Variants in EIF5B observed in about 807,000 individuals in gnomAD.
The protein encoded by EIF5B is eukaryotic translation initiation factor 5B, also known as eIF-5B.
EIF5B carries 47 observed loss-of-function variants against 147.5 expected under a neutral mutation model. That is an observed-to-expected ratio of 0.32 (90% CI 0.25 to 0.41). EIF5B has a LOEUF of 0.41. EIF5B is among the 10% of genes least tolerant of loss of function. EIF5B has a pLI of 1.00. For missense variants in EIF5B, 1,064 were observed against 1,413.2 expected (o/e 0.75, Z 3.96); for synonymous variants, 455 against 456.2 (o/e 1.00, Z 0.03).
chr2:99,371,709 A>T lies in EIF5B; in HGVS notation c.1531A>T (p.Ser511Cys). 6.2e-7 allele frequency: 1 copy of T among 1,613,126 alleles called. No individual in the cohort carries two copies. Among genetic ancestry groups the T allele is most frequent in the Non-Finnish European group, 8.5e-7 (1 of 1,179,480 alleles). The change falls in exon 9 of 24, where the codon AGT becomes TGT. Residue 511 changes from serine (S) to cysteine (C), a missense_variant. Coordinates refer to ENST00000289371, the MANE Select transcript of EIF5B (RefSeq NM_015904.4). ...AGLDDWEAMA[S>C]DEETEKVEGN... ...ATTGGATGATTGGGAAGCTATGGCCAGTGATGAGGAGACAGAAAAAGGTGA... is the reference window on the plus strand; with the variant it reads ...ATTGGATGATTGGGAAGCTATGGCCTGTGATGAGGAGACAGAAAAAGGTGA...
chr2:99,349,940 C>T (rs978855186), intron 1 of EIF5B, among the ~76,000 whole-genome samples: 1 of 152,214 alleles, frequency 6.6e-6, no homozygotes, highest in African/African-American at 2.4e-5. Context: ...TCCTCATTCC[C>T]TCTCCTTCCT....
At position 99,401,124 on chromosome 2, in the gene EIF5B, G is replaced by C. The variant is rs1420419155; in HGVS notation, c.*1710G>C. 1 of 552,310 alleles carries C rather than the reference G, an allele frequency of 1.8e-6. No individual in the cohort carries two copies. Among genetic ancestry groups the C allele is most frequent in the Non-Finnish European group, 3.1e-6 (1 of 320,610 alleles). The allele number at this position is 552,310 out of a possible 1,614,324, so 34.2% of individuals were successfully genotyped here. A position where few individuals can be genotyped will look rare whatever the true frequency, so the allele number is the denominator to read the frequency against. ...TTGAAAAGAAATGTACAAAACACTTGCTTTAAAAGAAATTTAAAATTATAA... is the reference window on the plus strand; with the variant it reads ...TTGAAAAGAAATGTACAAAACACTTCCTTTAAAAGAAATTTAAAATTATAA... On this transcript the variant is annotated 3_prime_UTR_variant, in exon 24 of 24. Transcript: ENST00000289371.
chr2:99,382,743 A>T (rs749953685), intron 13 of EIF5B, 37 bp from the exon 14 acceptor site: 73 of 1,554,694 alleles, frequency 4.7e-5, no homozygotes, highest in Non-Finnish European at 5.9e-5. Flanking sequence ...TAATTTCAAG[A>T]TTTTCTACTT....
chr2:99,352,337 A>G (rs1022012459), intron 1 of EIF5B, among the ~76,000 whole-genome samples: 4 of 152,158 alleles, frequency 2.6e-5, no homozygotes, highest in African/African-American at 9.6e-5. Context: ...CTGGGATTAC[A>G]GGCATGCGCC....
In EIF5B at chr2:99,376,600, A is replaced by C. The variant is rs758581708; in HGVS notation, c.1806A>C (p.Glu602Asp). 6.2e-7 allele frequency: 1 copy of C among 1,611,986 alleles called. No individual in the cohort carries two copies. The highest frequency in any genetic ancestry group is 8.5e-7 in the Non-Finnish European group (1 of 1,179,454). ...EYDSDDDRTK[E>D]ERAYDKAKRR... is the part of the protein sequence containing the mutation. The stretch of plus-strand genomic sequence containing the variant: ...ACTCTGATGATGATCGGACTAAAGA[A>C]GAAAGGGCTTATGACAAAGCAAAAC... Residue 602 changes from glutamate to aspartate, a missense_variant, in exon 10 of 24, where the codon GAA becomes GAC. Physicochemically the swap from Glu to Asp is conservative, Grantham distance 45 (BLOSUM62 2). This residue lies in a region of EIF5B where 195 missense variants were observed against 186.3 expected (regional missense o/e 1.05). Transcript: ENST00000289371.
At chr2:99,365,846 C>T (rs889307082) in intron 6 of EIF5B, among the ~76,000 whole-genome samples, 1 of 152,118 alleles carries the variant, frequency 6.6e-6, no homozygotes, top group Non-Finnish European at 1.5e-5. Context: ...AAGGTTCCCC[C>T]CCACCCACAG....
intron 8 of EIF5B, chr2:99,371,081 A>G (rs750203287): frequency 6.6e-6 from 1 of 152,198 alleles, no homozygotes; most frequent in Non-Finnish European, 1.5e-5. Flanking sequence ...TAAATTAATT[A>G]AATTAATGAA....
rs2104269886 is a variant in EIF5B at position 99,399,865 on chromosome 2, T to C, written c.*451T>C. 1 of 155,684 alleles carries C rather than the reference T, an allele frequency of 6.4e-6. No homozygotes were observed. The highest frequency in any genetic ancestry group is 2.0e-4 in the South Asian group (1 of 5,054). 9.6% of individuals were successfully genotyped at this position (155,684 alleles called of 1,614,324 possible). On this transcript the variant is annotated 3_prime_UTR_variant, in exon 24 of 24. Transcript: ENST00000289371. ...ATGCATATTCTTCCCACAGTGATTT[T>C]TCCAGCATTCTTCTGCCATATGCCT... is the stretch of plus-strand genomic sequence containing the variant.
chr2:99,369,407 A>T lies in EIF5B; in HGVS notation c.1403A>T (p.Glu468Val), dbSNP rs780962619. 1 of 1,610,904 alleles carries T rather than the reference A, an allele frequency of 6.2e-7. No homozygotes were observed. The highest frequency in any genetic ancestry group is 8.5e-7 in the Non-Finnish European group (1 of 1,178,272). Residue 468 changes from glutamate (E) to valine (V), a missense_variant, in exon 8 of 24, where the codon GAA (glutamate) becomes GTA (valine). Glu to Val is a moderately radical substitution (Grantham distance 121). This residue lies in a region of EIF5B where 195 missense variants were observed against 186.3 expected (regional missense o/e 1.05). Coordinates refer to ENST00000289371, the MANE Select transcript of EIF5B (RefSeq NM_015904.4). Reference sequence around the variant, plus strand: ...CCTTTTTCAGTGTCTGAATCAATGGAATTATGTGCTGCTGTAGAAGTTATG... The same window carrying T: ...CCTTTTTCAGTGTCTGAATCAATGGTATTATGTGCTGCTGTAGAAGTTATG... ...LESKEVSESM[E>V]LCAAVEVMEQ...
At chr2:99,347,539 A>G (rs1022204692) in intron 1 of EIF5B, among the ~76,000 whole-genome samples, 32 of 150,450 alleles carry the variant, frequency 2.1e-4, no homozygotes, top group African/African-American at 7.3e-4. Context: ...GAGATTTTGC[A>G]TTTTCAATAA....
chr2:99,364,673 G>A (rs1674290693), intron 6 of EIF5B, among the ~76,000 whole-genome samples: 1 of 152,160 alleles, frequency 6.6e-6, no homozygotes, highest in African/African-American at 2.4e-5. Flanking sequence ...AACAAGAATA[G>A]TGATAATAAT....
chr2:99,392,306 C>T (rs1413545972), intron 17 of EIF5B, among the ~76,000 whole-genome samples: 1 of 152,064 alleles, frequency 6.6e-6, no homozygotes, highest in South Asian at 2.1e-4. Flanking sequence ...AACTCCTGAC[C>T]TCAGCCTCCC....
intron 1 of EIF5B, among the ~76,000 whole-genome samples, chr2:99,349,484 T>G (rs931059689): frequency 2.0e-5 from 3 of 152,210 alleles, no homozygotes. Context: ...TGAACAATTT[T>G]TTGTAATATG....
At chr2:99,337,686 C>A in intron 1 of EIF5B, 97 bp downstream of exon 1, 1 of 1,427,050 alleles carries the variant, frequency 7.0e-7, no homozygotes, top group Non-Finnish European at 9.4e-7. Context: ...TCTGGGCTCG[C>A]GATGAGCTTC....
chr2:99,389,354 A>G (rs1315783997), intron 14 of EIF5B, among the ~76,000 whole-genome samples: 1 of 152,202 alleles, frequency 6.6e-6, no homozygotes, highest in African/African-American at 2.4e-5. Context: ...TTTTTGGTAT[A>G]TAATTTTATA....
chr2:99,398,958 C>A, intron 23 of EIF5B, 49 bp downstream of exon 23: 1 of 1,581,440 alleles, frequency 6.3e-7, no homozygotes, highest in East Asian at 2.2e-5. Context: ...GGGAATCACT[C>A]TTCTTGGGTC....
intron 8 of EIF5B, among the ~76,000 whole-genome samples, 180 bp from the exon 9 acceptor site, chr2:99,371,474 CAA>C (rs1303095385): frequency 1.7e-5 from 2 of 118,184 alleles, no homozygotes; most frequent in African/African-American, 6.6e-5. Context: ...GGCGACAGAG[CAA>C]AGACTCCGTC....
Position 99,361,591 on chromosome 2 carries a change from A to G in EIF5B, c.690A>G (p.Gln230=), listed in dbSNP as rs939378677. 1.2e-6 allele frequency: 2 copies of G among 1,604,926 alleles called. No individual in the cohort carries two copies. The highest frequency in any genetic ancestry group is 1.7e-6 in the Non-Finnish European group (2 of 1,178,006). ...CCTTCAAAATTAAGACAGTGGCCCA[A>G]AAGAAGGCAGAAAAGAAGGAGCGCG... ...DASFKIKTVA[Q]KKAEKKERER... The change falls in exon 4 of 24, where the codon CAA becomes CAG. Residue 230 remains glutamine, a synonymous_variant. Transcript: ENST00000289371.
intron 9 of EIF5B, among the ~76,000 whole-genome samples, chr2:99,373,564 A>G (rs899234244): frequency 2.0e-5 from 3 of 152,138 alleles, no homozygotes; most frequent in Admixed American, 6.5e-5. Context: ...CAAAATGGGG[A>G]TTATGTTTTA....
Sources: allele counts gnomAD v4.1 joint callset (sites outside exome capture counted in the v4.1 genomes callset), GRCh38; gene constraint gnomAD v4.1.1; regional missense constraint gnomAD v4.1.1; transcripts MANE v1.5; gene names NCBI Gene and HGNC (gene_info 2026-07-23, HGNC 2026-07-21).